MAPK6: variants seen among roughly 807,000 people sequenced by gnomAD.
MAPK6 encodes ERK-3.
Under a neutral mutation model 59.3 loss-of-function variants are expected in MAPK6, and 19 were observed. The observed-to-expected ratio is 0.32, with a 90% CI of 0.22 to 0.47. The LOEUF is 0.47. Ranked by LOEUF, MAPK6 falls within the 20% of genes least tolerant of loss-of-function variation. The pLI, the probability that MAPK6 is intolerant of heterozygous loss-of-function variation, is 1.00. For missense variants in MAPK6, 724 were observed against 847.9 expected (o/e 0.85, Z 1.81); for synonymous variants, 316 against 290.3 (o/e 1.09, Z -0.90).
intron 2 of MAPK6, among the ~76,000 whole-genome samples, chr15:51,988,113 G>A (rs2057196843): frequency 6.6e-6 from 1 of 152,024 alleles, no homozygotes; most frequent in Admixed American, 6.6e-5. Flanking sequence ...TGAAGTTTAT[G>A]TTTATTTTTT....
intron 2 of MAPK6, among the ~76,000 whole-genome samples, chr15:51,989,435 C>T (rs1248256168): frequency 6.6e-6 from 1 of 152,040 alleles, no homozygotes; most frequent in African/African-American, 2.4e-5. Context: ...GGGATTAAGA[C>T]ATGGATAGCT....
At chr15:51,994,963 A>G (rs1441952457) in intron 2 of MAPK6, among the ~76,000 whole-genome samples, 1 of 152,242 alleles carries the variant, frequency 6.6e-6, no homozygotes, top group Non-Finnish European at 1.5e-5. Flanking sequence ...ATCATTTCTG[A>G]ACATTGCTGA....
chr15:52,022,613 G>A (rs916265421), intron 1 of MAPK6, among the ~76,000 whole-genome samples: 2 of 151,762 alleles, frequency 1.3e-5, no homozygotes, highest in African/African-American at 2.4e-5. Context: ...TTTTGGAAGA[G>A]TATTGCATGA....
intron 1 of MAPK6, among the ~76,000 whole-genome samples, chr15:52,031,637 C>T (rs556322872): frequency 1.3e-5 from 2 of 152,174 alleles, no homozygotes; most frequent in East Asian, 1.9e-4. Context: ...TCAAGACTAG[C>T]ATAGGCAACA....
intron 3 of MAPK6, among the ~76,000 whole-genome samples, chr15:52,056,041 CGAAGG>C (rs1228311645): frequency 6.6e-6 from 1 of 151,988 alleles, no homozygotes. Flanking sequence ...AATAAAAACA[CGAAGG>C]GAAATCTGAG....
At chr15:52,006,644 C>G (rs944943179) in intron 3 of MAPK6, among the ~76,000 whole-genome samples, 1 of 152,184 alleles carries the variant, frequency 6.6e-6, no homozygotes, top group African/African-American at 2.4e-5. Context: ...AGGGTACAAT[C>G]TCTTGAACTT....
upstream of MAPK6, chr15:52,017,053 A>AAAAC (rs3078943): frequency 6.9e-4 from 107 of 154,340 alleles, no homozygotes; most frequent in East Asian, 3.0e-3. Context: ...CTCTGTCTCA[A>AAAAC]AAACAAACAA....
intron 3 of MAPK6, among the ~76,000 whole-genome samples, chr15:52,052,405 G>A (rs1204804694): frequency 6.6e-6 from 1 of 152,146 alleles, no homozygotes; most frequent in Non-Finnish European, 1.5e-5. Context: ...TTAAAAAGTT[G>A]TATTGTTATA....
At chr15:51,994,485 G>A (rs1477187912) in intron 2 of MAPK6, among the ~76,000 whole-genome samples, 1 of 152,054 alleles carries the variant, frequency 6.6e-6, no homozygotes, top group African/African-American at 2.4e-5. Context: ...TTATCACTGT[G>A]GTAAGCAATG....
chr15:51,997,953 T>TTTCTTTCTTTCTTTCTTTCTTTCTTTC (rs2057230281), intron 2 of MAPK6, among the ~76,000 whole-genome samples: 1 of 145,894 alleles, frequency 6.9e-6, no homozygotes, highest in African/African-American at 2.6e-5. Flanking sequence ...TTCTTTCTTT[T>TTTCTTTCTTTCTTTCTTTCTTTCTTTC]TTTCTTTTTG....
At chr15:52,032,596 T>A (rs1220475815) in intron 1 of MAPK6, among the ~76,000 whole-genome samples, 1 of 152,230 alleles carries the variant, frequency 6.6e-6, no homozygotes, top group Non-Finnish European at 1.5e-5. Context: ...TGGTGTATTT[T>A]TCTTTCATCC....
At chr15:52,042,557 A>T (rs1384771395) in intron 1 of MAPK6, among the ~76,000 whole-genome samples, 1 of 151,212 alleles carries the variant, frequency 6.6e-6, no homozygotes, top group African/African-American at 2.4e-5. Context: ...GCAGATGTGG[A>T]TGGGGGTCTT....
chr15:52,060,192 T>G (rs2032145735), intron 4 of MAPK6, among the ~76,000 whole-genome samples: 1 of 152,172 alleles, frequency 6.6e-6, no homozygotes, highest in African/African-American at 2.4e-5. Context: ...TGAGCTATGA[T>G]CATGCTATTG....
intron 2 of MAPK6, among the ~76,000 whole-genome samples, chr15:51,984,914 A>G (rs897103549): frequency 6.6e-6 from 1 of 152,152 alleles, no homozygotes; most frequent in African/African-American, 2.4e-5. Context: ...TACTTCTGTG[A>G]GTTTGTTTTG....
chr15:52,053,195 T>A (rs964472641), intron 3 of MAPK6, among the ~76,000 whole-genome samples: 2 of 150,260 alleles, frequency 1.3e-5, no homozygotes, highest in African/African-American at 4.9e-5. Context: ...GCTCTCAGCC[T>A]CCCGAGTAGC....
chr15:52,031,006 T>C (rs776707797), intron 1 of MAPK6, among the ~76,000 whole-genome samples: 10 of 151,844 alleles, frequency 6.6e-5, no homozygotes, highest in Non-Finnish European at 1.3e-4. Context: ...GTTGGTCAGT[T>C]TGGTCTTAAA....
rs2032386691 is a variant in MAPK6 at position 52,065,610 on chromosome 15, TA to T, written c.*611del. On this transcript the variant is annotated 3_prime_UTR_variant, in exon 6 of 6. Coordinates refer to ENST00000261845, the MANE Select transcript of MAPK6 (RefSeq NM_002748.4). Reference sequence around the variant, plus strand: ...TTCTTAATAAAACTCACTCACTGTTTATAAATGTTCTGGTATGCATTCTTTA... The same window carrying T: ...TTCTTAATAAAACTCACTCACTGTTTTAAATGTTCTGGTATGCATTCTTTA... 1 of 152,690 alleles carries T rather than the reference TA, an allele frequency of 6.5e-6. No homozygotes were observed. The highest frequency in any genetic ancestry group is 1.5e-5 in the Non-Finnish European group (1 of 68,038). The allele number at this position is 152,690 out of a possible 1,614,324, so 9.5% of individuals were successfully genotyped here. A position where few individuals can be genotyped will look rare whatever the true frequency, so the allele number is the denominator to read the frequency against.
intron 1 of MAPK6, among the ~76,000 whole-genome samples, chr15:52,038,665 CAT>C (rs1271992364): frequency 1.3e-5 from 2 of 152,128 alleles, no homozygotes; most frequent in Non-Finnish European, 2.9e-5. Context: ...AGGCTGTGCA[CAT>C]GTCTCCTGTC....
At position 52,064,636 on chromosome 15, in the gene MAPK6, G is replaced by A; in HGVS notation, c.1802G>A (p.Gly601Glu). The part of the protein sequence containing the change: ...SSWDSQFVSG[G>E]EDCFFINQFC... ...TGGGACAGCCAGTTTGTGAGTGGTG[G>A]GGAGGACTGTTTTTTCATAAATCAG... The change falls in exon 6 of 6, where the codon GGG becomes GAG. Residue 601 changes from glycine to glutamate, a missense_variant. Transcript: ENST00000261845. The A allele has an allele frequency of 1.9e-6, 3 of 1,611,780 alleles. No individual in the cohort carries two copies. Among genetic ancestry groups the A allele is most frequent in the Non-Finnish European group, 2.5e-6 (3 of 1,179,724 alleles).
Sources: allele counts gnomAD v4.1 joint callset (sites outside exome capture counted in the v4.1 genomes callset), GRCh38; gene constraint gnomAD v4.1.1; transcripts MANE v1.5; gene names NCBI Gene and HGNC (gene_info 2026-07-23, HGNC 2026-07-21).